The following TECPR2 variants were observed in gnomAD, a reference collection of about 807,000 sequenced individuals.
TECPR2 encodes the protein tectonin beta-propeller repeat-containing protein 2.
TECPR2 carries 65 observed loss-of-function variants against 138.1 expected under a neutral mutation model. The ratio of observed to expected loss-of-function variants is 0.47; its 90% CI spans 0.39 to 0.58. The LOEUF (loss-of-function observed/expected upper bound fraction) is 0.58. Among genes scored for constraint, TECPR2 ranks in the 20% least tolerant of loss-of-function variants. The pLI is 0.00. For synonymous variants in TECPR2, 746 were observed against 749.8 expected, an observed-to-expected ratio of 0.99 and a Z score of 0.08; for missense variants, 1,553 against 1,824.5, an observed-to-expected ratio of 0.85 and a Z score of 2.71.
At chr14:102,388,832 G>A (rs1888090624) in intron 2 of TECPR2, among the ~76,000 whole-genome samples, 1 of 152,156 alleles carries the variant, frequency 6.6e-6, no homozygotes, top group South Asian at 2.1e-4. Flanking sequence ...GAGATGGCAG[G>A]CACCTGTAGT....
chr14:102,398,527 C>T (rs910715929), intron 2 of TECPR2, among the ~76,000 whole-genome samples: 6 of 152,128 alleles, frequency 3.9e-5, no homozygotes, highest in African/African-American at 1.4e-4. Context: ...AGGACACCCA[C>T]ACCAAGACAC....
intron 5 of TECPR2, among the ~76,000 whole-genome samples, chr14:102,424,244 C>G (rs912867975): frequency 4.6e-5 from 7 of 152,172 alleles, no homozygotes; most frequent in Non-Finnish European, 8.8e-5. Flanking sequence ...AATTGTATGT[C>G]TAAACATAGA....
chr14:102,378,721 T>C (rs1412000601), intron 2 of TECPR2, among the ~76,000 whole-genome samples: 5 of 152,044 alleles, frequency 3.3e-5, no homozygotes, highest in Admixed American at 3.3e-4. Context: ...ACCTCCCAGG[T>C]TCAAGCAATT....
intron 2 of TECPR2, among the ~76,000 whole-genome samples, chr14:102,394,658 A>G (rs1398878704): frequency 6.6e-6 from 1 of 152,186 alleles, no homozygotes; most frequent in Non-Finnish European, 1.5e-5. Context: ...CCATATTTGT[A>G]AAATGTGGCT....
intron 1 of TECPR2, among the ~76,000 whole-genome samples, chr14:102,374,008 G>T (rs1219332777): frequency 6.7e-6 from 1 of 150,080 alleles, no homozygotes; most frequent in Non-Finnish European, 1.5e-5. Context: ...GGAGGCGAGT[G>T]TTGCAGTGAG....
chr14:102,428,182 A>G (rs368603921), intron 6 of TECPR2, 68 bp from the exon 7 acceptor site: 2 of 1,407,058 alleles, frequency 1.4e-6, no homozygotes, highest in East Asian at 2.6e-5. Context: ...ATGCATTTTT[A>G]TGCTTTGAGC....
At position 102,497,465 on chromosome 14, in the gene TECPR2, G is replaced by A. The variant is rs147507142; in HGVS notation, c.3932-105G>A. ...AGCCCATCATGGGCACTCCGTCCCC[G>A]CAGGGACCCTGGTGGAGGTGTGCAG... On this transcript the variant is annotated intron_variant, in intron 18 of 19. Transcript: ENST00000359520. The A allele has an allele frequency of 6.8e-5, 93 of 1,371,226 alleles. No homozygotes were observed. The Middle Eastern group carries it at 1.6e-3, about 24-fold the overall frequency. The allele number at this position is 1,371,226 out of a possible 1,614,324, so 84.9% of individuals were successfully genotyped here.
At chr14:102,452,367 G>T in intron 15 of TECPR2, 27 bp from the exon 16 acceptor site, 1 of 1,592,516 alleles carries the variant, frequency 6.3e-7, no homozygotes, top group Non-Finnish European at 8.6e-7. Context: ...ACAACACCTC[G>T]ATGACAAACA....
intron 5 of TECPR2, among the ~76,000 whole-genome samples, chr14:102,416,413 A>G (rs536252419): frequency 9.9e-5 from 15 of 152,154 alleles, no homozygotes; most frequent in Non-Finnish European, 1.6e-4. Context: ...GAGCCACCAC[A>G]TGCGGCCTGC....
At chr14:102,463,432 AAAAAAAAGAAAAAAAC>A (rs1890466990) in intron 16 of TECPR2, among the ~76,000 whole-genome samples, 1 of 150,752 alleles carries the variant, frequency 6.6e-6, no homozygotes, top group Non-Finnish European at 1.5e-5. Context: ...AAAAAAAAAA[AAAAAAAAGAAAAAAAC>A]AAAAAAACAG....
In TECPR2 at chr14:102,498,360, ACACC is replaced by A; in HGVS notation, c.*104_*107del. The A allele has an allele frequency of 1.4e-6, 2 of 1,399,952 alleles. No individual in the cohort carries two copies. Among genetic ancestry groups the A allele is most frequent in the Non-Finnish European group, 1.9e-6 (2 of 1,052,586 alleles). 86.7% of individuals were successfully genotyped at this position (1,399,952 alleles called of 1,614,324 possible). ...ACGCGCTGCCTCAACACTTGTCCAG[ACACC>A]TCTGGCCAGGTTGGACCCGCACACT... is the stretch of plus-strand genomic sequence containing the variant. On this transcript the variant is annotated 3_prime_UTR_variant, in exon 20 of 20. Transcript: ENST00000359520.
Position 102,462,089 on chromosome 14 carries a change from A to G in TECPR2, c.3641-3052A>G, listed in dbSNP as rs372614027. Among the ~76,000 whole-genome samples the G allele has an allele frequency of 3.3e-5, 5 of 152,278 alleles. No individual in the cohort carries two copies. In the South Asian group the frequency reaches 1.0e-3, roughly 32 times the overall value. ...TGTTCTGAAAGGTTGTTCACTGTGT[A>G]ATGTGAACTCCGTGTTCTGTGAGCA... is the stretch of plus-strand genomic sequence containing the variant. On this transcript the variant is annotated intron_variant, in intron 16 of 19. Transcript: ENST00000359520.
At chr14:102,497,760 T>G in intron 19 of TECPR2, 41 bp downstream of exon 19, 1 of 1,548,374 alleles carries the variant, frequency 6.5e-7, no homozygotes. Context: ...CCCTTGGGGT[T>G]CCCAGGGCTC....
intron 2 of TECPR2, among the ~76,000 whole-genome samples, chr14:102,378,097 G>A (rs149597758): frequency 2.2e-4 from 34 of 152,320 alleles, no homozygotes; most frequent in African/African-American, 8.2e-4. Flanking sequence ...AATATCTGTA[G>A]TTTATTGAGT....
chr14:102,482,875 G>A (rs1184657378), intron 17 of TECPR2, among the ~76,000 whole-genome samples: 6 of 121,348 alleles, frequency 4.9e-5, no homozygotes, highest in South Asian at 2.6e-4. Context: ...ACGGAGTCTC[G>A]CTCTGTCGCC....
intron 19 of TECPR2, 65 bp downstream of exon 19, chr14:102,497,784 CG>C: frequency 6.7e-7 from 1 of 1,486,604 alleles, no homozygotes. Context: ...TGGACGATGT[CG>C]GGGGGCTCTC....
At chr14:102,446,296 T>G (rs1009831916) in intron 13 of TECPR2, among the ~76,000 whole-genome samples, 2 of 152,046 alleles carry the variant, frequency 1.3e-5, no homozygotes, top group Non-Finnish European at 2.9e-5. Context: ...CTCAAACTCC[T>G]GAGCTCAAGA....
chr14:102,398,709 G>C (rs946846245), intron 2 of TECPR2, among the ~76,000 whole-genome samples: 1 of 151,972 alleles, frequency 6.6e-6, no homozygotes, highest in Non-Finnish European at 1.5e-5. Flanking sequence ...AAAAAAATTA[G>C]CCGGGCGAGG....
At chr14:102,377,776 A>G (rs145677099) in intron 2 of TECPR2, among the ~76,000 whole-genome samples, 118 of 152,334 alleles carry the variant, frequency 7.7e-4, no homozygotes, top group African/African-American at 2.6e-3. Context: ...TTGAAAGCAG[A>G]TATTTTTTTC....
Sources: gnomAD v4.1 joint callset for allele counts (sites outside exome capture counted in the v4.1 genomes callset) on GRCh38, gnomAD v4.1.1 for gene constraint, MANE v1.5 for transcripts, NCBI Gene and HGNC (gene_info 2026-07-23, HGNC 2026-07-21) for gene names.